MAGI2: variants seen among roughly 807,000 people sequenced by gnomAD.
MAGI2 encodes the protein membrane-associated guanylate kinase, WW and PDZ domain-containing protein 2.
In MAGI2, 35 loss-of-function variants were observed where a neutral mutation model predicts 133.3. The ratio of observed to expected loss-of-function variants is 0.26; its 90% confidence interval spans 0.20 to 0.35. The LOEUF (loss-of-function observed/expected upper bound fraction) is 0.35. MAGI2 is among the 10% of genes least tolerant of loss of function. The pLI is 1.00. For synonymous variants in MAGI2, 729 were observed against 710.6 expected, an observed-to-expected ratio of 1.03 and a Z score of -0.41; for missense variants, 1,636 against 1,863.4, an observed-to-expected ratio of 0.88 and a Z score of 2.25.
chr7:78,593,375 G>C (rs1804252009), intron 3 of MAGI2, among the ~76,000 whole-genome samples: 1 of 152,002 alleles, frequency 6.6e-6, no homozygotes, highest in Non-Finnish European at 1.5e-5. Flanking sequence ...CTGGGCGACA[G>C]AGCGAGACTC....
At chr7:78,500,015 TA>T (rs1411942629) in intron 5 of MAGI2, among the ~76,000 whole-genome samples, 5 of 152,248 alleles carry the variant, frequency 3.3e-5, no homozygotes, top group African/African-American at 1.2e-4. Flanking sequence ...CAATAAGAAA[TA>T]ATGTAAGAGA....
chr7:78,354,710 A>G (rs1791880749), intron 7 of MAGI2, among the ~76,000 whole-genome samples: 1 of 152,190 alleles, frequency 6.6e-6, no homozygotes, highest in East Asian at 1.9e-4. Context: ...AATCAAATAT[A>G]TAGCAATTCC....
intron 1 of MAGI2, chr7:79,124,748 A>G (rs1820244717): frequency 6.3e-6 from 1 of 157,640 alleles, no homozygotes; most frequent in Admixed American, 6.4e-5. Flanking sequence ...TCAGTCTCCT[A>G]AAGAGCCTGA....
At chr7:79,348,568 T>G (rs1362840210) in intron 1 of MAGI2, among the ~76,000 whole-genome samples, 1 of 151,920 alleles carries the variant, frequency 6.6e-6, no homozygotes, top group Non-Finnish European at 1.5e-5. Flanking sequence ...TGCATGTAAG[T>G]GCTCAGTAAT....
intron 9 of MAGI2, among the ~76,000 whole-genome samples, chr7:78,270,552 G>A (rs1465543821): frequency 6.6e-6 from 1 of 152,046 alleles, no homozygotes; most frequent in African/African-American, 2.4e-5. Context: ...CTCATGACTT[G>A]GCTCTCTGTT....
chr7:78,304,738 C>T (rs554099079), intron 9 of MAGI2, among the ~76,000 whole-genome samples: 9 of 152,130 alleles, frequency 5.9e-5, no homozygotes, highest in South Asian at 4.2e-4. Context: ...GGGGATAAGA[C>T]GTATTGGGGG....
At chr7:78,666,963 A>G (rs938476203) in intron 2 of MAGI2, among the ~76,000 whole-genome samples, 1 of 152,150 alleles carries the variant, frequency 6.6e-6, no homozygotes, top group African/African-American at 2.4e-5. Flanking sequence ...TATGGGAAAA[A>G]TTCTTAAAGA....
At chr7:78,611,618 G>C (rs1292984586) in intron 3 of MAGI2, among the ~76,000 whole-genome samples, 1 of 152,156 alleles carries the variant, frequency 6.6e-6, no homozygotes, top group Non-Finnish European at 1.5e-5. Context: ...CTGTTTGTTG[G>C]AAAATGTGAT....
At chr7:78,897,628 C>A (rs1267423171) in intron 2 of MAGI2, among the ~76,000 whole-genome samples, 1 of 152,056 alleles carries the variant, frequency 6.6e-6, no homozygotes, top group African/African-American at 2.4e-5. Context: ...CTTTTTGGTT[C>A]CATATAAATT....
intron 2 of MAGI2, among the ~76,000 whole-genome samples, chr7:78,874,803 G>T (rs508990): frequency 0.47 from 71,907 of 151,930 alleles, 18,305 homozygotes; most frequent in Middle Eastern, 0.58. Context: ...AATTATAAAT[G>T]GTTGAAGTAA....
At chr7:78,483,239 C>T (rs1176806739) in intron 6 of MAGI2, among the ~76,000 whole-genome samples, 5 of 151,772 alleles carry the variant, frequency 3.3e-5, no homozygotes, top group African/African-American at 7.3e-5. Flanking sequence ...ATTTTGAAAT[C>T]ATTCTGCTAC....
intron 2 of MAGI2, among the ~76,000 whole-genome samples, chr7:78,781,666 C>T (rs1374652409): frequency 6.6e-6 from 1 of 151,952 alleles, no homozygotes; most frequent in Non-Finnish European, 1.5e-5. Context: ...CAATATATTT[C>T]TATGGGAAAG....
At chr7:78,025,195 T>C (rs1266072425) in intron 21 of MAGI2, among the ~76,000 whole-genome samples, 1 of 152,188 alleles carries the variant, frequency 6.6e-6, no homozygotes. Context: ...GGGACATCAT[T>C]GCTGACTTCT....
intron 8 of MAGI2, 76 bp from the exon 9 acceptor site, chr7:78,344,036 C>G (rs1790653838): frequency 7.3e-7 from 1 of 1,375,860 alleles, no homozygotes; most frequent in Admixed American, 2.2e-5. Flanking sequence ...AAGCCAGCCC[C>G]TGAGCAGCGA....
At chr7:78,335,298 G>A (rs1013116297) in intron 9 of MAGI2, among the ~76,000 whole-genome samples, 4 of 152,136 alleles carry the variant, frequency 2.6e-5, no homozygotes, top group Admixed American at 6.6e-5. Flanking sequence ...GATCGGCTTG[G>A]CCATTTGCCT....
At chr7:79,031,020 A>G (rs187386031) in intron 1 of MAGI2, among the ~76,000 whole-genome samples, 104 of 152,262 alleles carry the variant, frequency 6.8e-4, no homozygotes, top group Non-Finnish European at 1.3e-3. Flanking sequence ...CATCTGAACA[A>G]CTAGCACCTT....
chr7:78,649,446 A>G (rs1304475391), intron 2 of MAGI2, among the ~76,000 whole-genome samples: 2 of 151,998 alleles, frequency 1.3e-5, no homozygotes, highest in Non-Finnish European at 2.9e-5. Flanking sequence ...CGAAATTTCA[A>G]CATTGGAGGC....
At chr7:79,122,651 T>TC (rs1205052236) in intron 1 of MAGI2, among the ~76,000 whole-genome samples, 2 of 151,784 alleles carry the variant, frequency 1.3e-5, no homozygotes, top group East Asian at 3.9e-4. Context: ...TATATTACTT[T>TC]TTTTTTTTTT....
chr7:79,353,507 G>A, intron 1 of MAGI2: 1 of 455,560 alleles, frequency 2.2e-6, no homozygotes, highest in Non-Finnish European at 4.4e-6. Context: ...TGCTGCTGCT[G>A]CTTTGGAATC....
Sources: allele counts gnomAD v4.1 joint callset (sites outside exome capture counted in the v4.1 genomes callset), GRCh38; gene constraint gnomAD v4.1.1; transcripts MANE v1.5; gene names NCBI Gene and HGNC (gene_info 2026-07-23, HGNC 2026-07-21).